PODXL: variants seen among roughly 807,000 people sequenced by gnomAD.
PODXL encodes podocalyxin like, also known as podocalyxin.
A neutral mutation model predicts 48.9 loss-of-function variants in PODXL; 20 were observed. That is an observed-to-expected ratio of 0.41 (90% CI 0.29 to 0.59). PODXL has a LOEUF of 0.59. Among genes scored for constraint, PODXL ranks in the 20% least tolerant of loss-of-function variants. The pLI, the probability that PODXL is intolerant of heterozygous loss-of-function variation, is 0.31. For missense variants in PODXL, 606 were observed against 675.1 expected (o/e 0.90, Z 1.13); for synonymous variants, 295 against 287.4 (o/e 1.03, Z -0.27).
rs1797913793 is a variant in PODXL, at chr7:131,511,442, A to T, written c.101-9T>A. On this transcript the variant is annotated splice_polypyrimidine_tract_variant and intron_variant, in intron 1 of 8. Transcript: ENST00000378555. ...CGTAGTAGTCTGGGTTGCTGTTTGTAAAGATAACAGAGAATGGAGTTAGGG... is the reference window on the plus strand; with the variant it reads ...CGTAGTAGTCTGGGTTGCTGTTTGTTAAGATAACAGAGAATGGAGTTAGGG... 1 of 1,599,698 alleles carries T rather than the reference A, an allele frequency of 6.3e-7. No homozygotes were observed. Among genetic ancestry groups the T allele is most frequent in the Non-Finnish European group, 8.5e-7 (1 of 1,179,810 alleles).
At chr7:131,522,096 A>G (rs1798101744) in intron 1 of PODXL, among the ~76,000 whole-genome samples, 1 of 152,216 alleles carries the variant, frequency 6.6e-6, no homozygotes, top group African/African-American at 2.4e-5. Flanking sequence ...AGACTTAAAC[A>G]GAACATCAGG....
intron 1 of PODXL, among the ~76,000 whole-genome samples, chr7:131,511,847 C>T (rs945247661): frequency 2.0e-5 from 3 of 152,218 alleles, no homozygotes; most frequent in African/African-American, 4.8e-5. Flanking sequence ...GCCCACCACA[C>T]GTGGAGGCTG....
At chr7:131,538,936 C>T (rs1200455271) in intron 1 of PODXL, among the ~76,000 whole-genome samples, 1 of 152,256 alleles carries the variant, frequency 6.6e-6, no homozygotes, top group African/African-American at 2.4e-5. Flanking sequence ...CCTCCTAATC[C>T]CTTCCCCTGC....
chr7:131,524,788 A>T (rs1482088793), intron 1 of PODXL, among the ~76,000 whole-genome samples: 1 of 152,130 alleles, frequency 6.6e-6, no homozygotes, highest in African/African-American at 2.4e-5. Flanking sequence ...TCACATAAAA[A>T]CCTACATGCA....
chr7:131,548,944 T>A (rs953970486), intron 1 of PODXL, among the ~76,000 whole-genome samples: 2 of 152,220 alleles, frequency 1.3e-5, no homozygotes, highest in Non-Finnish European at 2.9e-5. Flanking sequence ...ACTCACTTAC[T>A]AACTCATTCA....
intron 1 of PODXL, among the ~76,000 whole-genome samples, chr7:131,529,535 C>G (rs1798239802): frequency 1.3e-5 from 2 of 152,006 alleles, no homozygotes; most frequent in African/African-American, 2.4e-5. Flanking sequence ...GGATGAGAGG[C>G]TCTGGCCTGG....
rs1183164014 is a variant in PODXL, at chr7:131,509,047, A to G, written c.1024-19T>C. 4.4e-6 allele frequency: 7 copies of G among 1,601,626 alleles called. No individual in the cohort carries two copies. Among genetic ancestry groups the G allele is most frequent in the Non-Finnish European group, 6.0e-6 (7 of 1,168,762 alleles). On this transcript the variant is annotated intron_variant, in intron 4 of 8. Transcript: ENST00000378555. ...ACTTTGCCTGGAAGAAGCCACTGAG[A>G]TTAAGGTTTGGGCTAATAGTCATGG...
At position 131,500,551 on chromosome 7, in the gene PODXL, C is replaced by T. The variant is rs1054420235; in HGVS notation, c.*3760G>A. On this transcript the variant is annotated 3_prime_UTR_variant, in exon 9 of 9. Coordinates refer to ENST00000378555, the MANE Select transcript of PODXL (RefSeq NM_001018111.3). ...GATCAGCTAGTGACCGTGACAAAAG[C>T]TATGCTACAGTTTTACTCTTGCCCT... 1 of 152,468 alleles carries T rather than the reference C, an allele frequency of 6.6e-6. No homozygotes were observed. Among genetic ancestry groups the T allele is most frequent in the Admixed American group, 6.5e-5 (1 of 15,286 alleles). The allele number at this position is 152,468 out of a possible 1,614,324, so 9.4% of individuals were successfully genotyped here.
chr7:131,543,782 C>T (rs1299413145), intron 1 of PODXL, among the ~76,000 whole-genome samples: 1 of 152,158 alleles, frequency 6.6e-6, no homozygotes, highest in East Asian at 1.9e-4. Context: ...CAGGACACTA[C>T]AGGACATGTG....
Position 131,532,329 on chromosome 7 carries a change from G to A in PODXL, c.101-20896C>T, listed in dbSNP as rs544758297. Among the ~76,000 whole-genome samples, 355 of 150,594 alleles carry A rather than the reference G, an allele frequency of 2.4e-3. 1 individual carries two copies. The highest frequency in any genetic ancestry group is 7.8e-3 in the African/African-American group (320 of 41,218). On this transcript the variant is annotated intron_variant, in intron 1 of 8. Transcript: ENST00000378555. ...CAGGTGCCTGTAGTCCCAGCTACTCGGGAGGCTGAGGCAGGAGAATGGTGT... is the reference window on the plus strand; with the variant it reads ...CAGGTGCCTGTAGTCCCAGCTACTCAGGAGGCTGAGGCAGGAGAATGGTGT...
rs374483248 is a variant in PODXL, at chr7:131,505,922, G to A, written c.1425C>T (p.Leu475=). 202 of 1,593,074 alleles carry A rather than the reference G, an allele frequency of 1.3e-4. No individual in the cohort carries two copies. Among genetic ancestry groups the A allele is most frequent in the Non-Finnish European group, 1.3e-4 (150 of 1,170,416 alleles). The change falls in exon 8 of 9, where the codon CTC becomes CTT. Residue 475 remains leucine (L), a synonymous_variant. Coordinates refer to ENST00000378555, the MANE Select transcript of PODXL (RefSeq NM_001018111.3). ...TIVCMASFLL[L]VAALYGCCHQ... ...GGCAGCAGCCATAGAGGGCCGCCAC[G>A]AGGAGCAGGAATGATGCCATGCAGA... is the stretch of plus-strand genomic sequence containing the variant.
At chr7:131,504,813 C>A (rs1797771746) in intron 8 of PODXL, among the ~76,000 whole-genome samples, 1 of 152,322 alleles carries the variant, frequency 6.6e-6, no homozygotes, top group South Asian at 2.1e-4. Flanking sequence ...CCCCCAAAAC[C>A]TCCTCTCCAG....
At chr7:131,504,752 T>C (rs1407728222) in intron 8 of PODXL, among the ~76,000 whole-genome samples, 1 of 152,174 alleles carries the variant, frequency 6.6e-6, no homozygotes, top group East Asian at 1.9e-4. Flanking sequence ...TTAGTGGAGA[T>C]GGACTTTGTT....
At chr7:131,545,751 T>C (rs1798565425) in intron 1 of PODXL, among the ~76,000 whole-genome samples, 2 of 152,250 alleles carry the variant, frequency 1.3e-5, no homozygotes, top group Admixed American at 1.3e-4. Flanking sequence ...GCATGTAAGA[T>C]CATAATGTAT....
chr7:131,506,902 G>A (rs1797817265), intron 5 of PODXL, 176 bp from the exon 6 acceptor site: 2 of 641,306 alleles, frequency 3.1e-6, no homozygotes, highest in Admixed American at 5.5e-5. Flanking sequence ...GTTGCATGCT[G>A]TTCTCCTGGG....
chr7:131,544,445 T>A (rs1798531573), intron 1 of PODXL, among the ~76,000 whole-genome samples: 1 of 152,040 alleles, frequency 6.6e-6, no homozygotes, highest in Admixed American at 6.5e-5. Context: ...CCAGGACGGC[T>A]CCCACCCTGC....
chr7:131,518,028 C>T (rs560360717), intron 1 of PODXL, among the ~76,000 whole-genome samples: 2 of 152,242 alleles, frequency 1.3e-5, no homozygotes, highest in South Asian at 2.1e-4. Context: ...TGTGAGCCAT[C>T]GGGGCCGGCC....
Position 131,511,055 on chromosome 7 carries a change from C to T in PODXL, c.479G>A (p.Gly160Glu), listed in dbSNP as rs371720009. 3 of 1,613,994 alleles carry T rather than the reference C, an allele frequency of 1.9e-6. No individual in the cohort carries two copies. The Admixed American group carries it at 5.0e-5, about 27-fold the overall frequency. The stretch of plus-strand genomic sequence containing the variant: ...TGTGGTCACACTGTGGCTGCTTTTC[C>T]CCCCAGAGTTTGTTGTATCTTCTGC... ...NGAEDTTNSG[G>E]KSSHSVTTDL... The change falls in exon 2 of 9, where the codon GGG becomes GAG. Residue 160 changes from glycine (G) to glutamate (E), a missense_variant. By Grantham distance (98) the Gly-to-Glu change is moderately conservative. Coordinates refer to ENST00000378555, the MANE Select transcript of PODXL (RefSeq NM_001018111.3).
chr7:131,520,642 T>G (rs1017546043), intron 1 of PODXL: 1 of 162,006 alleles, frequency 6.2e-6, no homozygotes, highest in African/African-American at 2.4e-5. Flanking sequence ...TGGCCTTACA[T>G]GAACTTTCTG....
Sources: allele counts gnomAD v4.1 joint callset (sites outside exome capture counted in the v4.1 genomes callset), GRCh38; gene constraint gnomAD v4.1.1; transcripts MANE v1.5; gene names NCBI Gene and HGNC (gene_info 2026-07-23, HGNC 2026-07-21).